Variants in FRMD4B observed in about 807,000 individuals in gnomAD.
The protein encoded by FRMD4B is FERM domain containing 4B.
Under a neutral mutation model 141.5 loss-of-function variants are expected in FRMD4B, and 74 were observed. The observed-to-expected ratio is 0.52, with a 90% confidence interval of 0.43 to 0.63. FRMD4B has a LOEUF of 0.63. Ranked by LOEUF, FRMD4B falls within the 30% of genes least tolerant of loss-of-function variation. FRMD4B has a pLI of 0.00. For synonymous variants in FRMD4B, 506 were observed against 467.9 expected (o/e 1.08, Z -1.05); for missense variants, 1,366 against 1,253.4 (o/e 1.09, Z -1.36).
intron 1 of FRMD4B, among the ~76,000 whole-genome samples, chr3:69,453,415 C>T (rs1019981398): frequency 1.1e-4 from 17 of 152,146 alleles, no homozygotes; most frequent in African/African-American, 2.9e-4. Flanking sequence ...GACTTGGCAC[C>T]GTGCATAGCG....
chr3:69,509,282 G>A (rs912446480), intron 1 of FRMD4B, among the ~76,000 whole-genome samples: 2 of 152,124 alleles, frequency 1.3e-5, no homozygotes, highest in African/African-American at 4.8e-5. Flanking sequence ...CTAACTCTAC[G>A]TCTTCACTTG....
intron 1 of FRMD4B, among the ~76,000 whole-genome samples, chr3:69,451,216 T>A (rs1245130216): frequency 2.2e-5 from 3 of 134,968 alleles, no homozygotes; most frequent in Admixed American, 7.3e-5. Flanking sequence ...GTAGGGATGG[T>A]TTTTGAGAAT....
At chr3:69,471,367 G>T in intron 1 of FRMD4B, 2 of 210,546 alleles carry the variant, frequency 9.5e-6, no homozygotes, top group South Asian at 1.9e-4. Context: ...GATAAGGTGT[G>T]TAAAGATAGC....
chr3:69,477,438 C>T (rs1365485156), intron 1 of FRMD4B, among the ~76,000 whole-genome samples: 2 of 150,822 alleles, frequency 1.3e-5, no homozygotes, highest in Admixed American at 1.3e-4. Context: ...TGTCAAAGGC[C>T]TTTTCTGCAT....
At chr3:69,446,208 C>T (rs9879317) in intron 1 of FRMD4B, among the ~76,000 whole-genome samples, 48,798 of 151,234 alleles carry the variant, frequency 0.32, 8,019 homozygotes, top group African/African-American at 0.37. Flanking sequence ...TTGTATTTTT[C>T]GTAGAGACGA....
At chr3:69,268,972 A>G (rs1032713571) in intron 5 of FRMD4B, among the ~76,000 whole-genome samples, 12 of 147,890 alleles carry the variant, frequency 8.1e-5, no homozygotes, top group Non-Finnish European at 1.3e-4. Context: ...CTTGTTGCCC[A>G]GGATGGAGTG....
At chr3:69,387,002 C>G (rs977665841), upstream of FRMD4B, among the ~76,000 whole-genome samples, 1 of 152,140 alleles carries the variant, frequency 6.6e-6, no homozygotes, top group African/African-American at 2.4e-5. Context: ...GGAAACTGTT[C>G]CACCACTCAT....
intron 1 of FRMD4B, among the ~76,000 whole-genome samples, chr3:69,540,737 C>T (rs1425103506): frequency 2.0e-5 from 3 of 149,590 alleles, no homozygotes; most frequent in Non-Finnish European, 4.4e-5. Flanking sequence ...CTCATTACCA[C>T]CACCACTGCA....
intron 1 of FRMD4B, among the ~76,000 whole-genome samples, chr3:69,443,369 T>A (rs1477921397): frequency 6.6e-6 from 1 of 152,228 alleles, no homozygotes; most frequent in Non-Finnish European, 1.5e-5. Context: ...GGACTTTATA[T>A]ATACATCTCC....
intron 5 of FRMD4B, among the ~76,000 whole-genome samples, chr3:69,259,351 C>T (rs899727890): frequency 1.3e-5 from 2 of 152,182 alleles, no homozygotes; most frequent in East Asian, 1.9e-4. Context: ...TTCACCCACC[C>T]GCTGCTCATC....
intron 1 of FRMD4B, among the ~76,000 whole-genome samples, chr3:69,383,445 G>A (rs1456147792): frequency 1.3e-5 from 2 of 152,130 alleles, no homozygotes; most frequent in Non-Finnish European, 2.9e-5. Context: ...AAAAGCCTTT[G>A]TTATTTATTT....
At chr3:69,502,518 T>C (rs563994428) in intron 1 of FRMD4B, among the ~76,000 whole-genome samples, 1 of 152,234 alleles carries the variant, frequency 6.6e-6, no homozygotes, top group East Asian at 1.9e-4. Context: ...TTACACCTTA[T>C]ACAAAAATTA....
At chr3:69,414,573 C>T (rs1415447635) in intron 2 of FRMD4B, among the ~76,000 whole-genome samples, 1 of 152,206 alleles carries the variant, frequency 6.6e-6, no homozygotes, top group Non-Finnish European at 1.5e-5. Context: ...CCTTGGCCTC[C>T]CAAAGTGCTG....
chr3:69,244,435 G>A (rs568892545), intron 7 of FRMD4B, among the ~76,000 whole-genome samples: 7 of 152,296 alleles, frequency 4.6e-5, no homozygotes, highest in Admixed American at 3.3e-4. Flanking sequence ...ACTTTGCCTA[G>A]GAAGGTATTT....
chr3:69,456,068 G>A (rs183926353), intron 1 of FRMD4B, among the ~76,000 whole-genome samples: 18 of 152,264 alleles, frequency 1.2e-4, no homozygotes, highest in African/African-American at 2.6e-4. Flanking sequence ...AACTGGTGCC[G>A]AGTATCTCTA....
At chr3:69,491,551 T>C (rs1706301186) in intron 1 of FRMD4B, among the ~76,000 whole-genome samples, 1 of 152,186 alleles carries the variant, frequency 6.6e-6, no homozygotes, top group Admixed American at 6.5e-5. Context: ...TTTATTCTAT[T>C]TCCTGAACTT....
chr3:69,293,117 C>T, intron 4 of FRMD4B: 2 of 377,912 alleles, frequency 5.3e-6, no homozygotes, highest in Non-Finnish European at 1.1e-5. Flanking sequence ...CATTACACCA[C>T]TGTGACATGA....
chr3:69,433,730 A>C (rs1035667937), intron 1 of FRMD4B, among the ~76,000 whole-genome samples: 5 of 152,230 alleles, frequency 3.3e-5, no homozygotes, highest in Non-Finnish European at 4.4e-5. Flanking sequence ...AAAGGTTGAG[A>C]GTTTCCTACA....
intron 11 of FRMD4B, among the ~76,000 whole-genome samples, chr3:69,201,170 A>C (rs75655606): frequency 0.016 from 2,450 of 152,346 alleles, 28 homozygotes; most frequent in Non-Finnish European, 0.025. Context: ...CCCCTGCCTG[A>C]AATCTTAAAA....
Sources: allele counts gnomAD v4.1 joint callset (sites outside exome capture counted in the v4.1 genomes callset), GRCh38; gene constraint gnomAD v4.1.1; transcripts MANE v1.5; gene names NCBI Gene and HGNC (gene_info 2026-07-23, HGNC 2026-07-21).